Variants in PIK3CD observed in about 807,000 individuals in gnomAD.
PIK3CD encodes the protein phosphatidylinositol 4,5-bisphosphate 3-kinase catalytic subunit delta isoform.
Under a neutral mutation model 122.9 loss-of-function variants are expected in PIK3CD, and 20 were observed. The observed-to-expected ratio is 0.16, with a 90% CI of 0.11 to 0.24. The LOEUF is 0.24. Among genes scored for constraint, PIK3CD ranks in the 10% least tolerant of loss-of-function variants. The pLI is 1.00. For missense variants in PIK3CD, 787 were observed against 1,406.3 expected (o/e 0.56, Z 7.04); for synonymous variants, 596 against 593.4 (o/e 1.00, Z -0.06).
chr1:9,725,799 C>A (rs1255521626), intron 23 of PIK3CD, among the ~76,000 whole-genome samples: 1 of 151,996 alleles, frequency 6.6e-6, no homozygotes, highest in East Asian at 1.9e-4. Context: ...ATCACTTGAA[C>A]CTGGGAGGCA....
intron 2 of PIK3CD, among the ~76,000 whole-genome samples, chr1:9,698,176 C>T (rs1203315560): frequency 6.6e-6 from 1 of 151,984 alleles, no homozygotes; most frequent in African/African-American, 2.4e-5. Context: ...GAGTTTCGCT[C>T]TTGTTGCCCA....
At chr1:9,706,050 A>ATTTTTTTTT (rs140912843) in intron 2 of PIK3CD, among the ~76,000 whole-genome samples, 2 of 85,184 alleles carry the variant, frequency 2.3e-5, no homozygotes, top group African/African-American at 4.8e-5. Flanking sequence ...ATTTATTGGA[A>ATTTTTTTTT]TTTTTTTTTT....
the PIK3CD span, among the ~76,000 whole-genome samples, chr1:9,634,850 CAA>C: frequency 1.3e-5 from 2 of 152,150 alleles, no homozygotes; most frequent in Non-Finnish European, 2.9e-5. Flanking sequence ...ATATCCAACT[CAA>C]GAGAGTTTAT....
the PIK3CD span, among the ~76,000 whole-genome samples, chr1:9,628,570 G>A: frequency 5.9e-5 from 9 of 152,210 alleles, no homozygotes; most frequent in Non-Finnish European, 1.0e-4. Flanking sequence ...AGGGAGGATG[G>A]GCCAGTGGTG....
At chr1:9,655,287 T>C (rs1028052419) in intron 1 of PIK3CD, among the ~76,000 whole-genome samples, 1 of 152,040 alleles carries the variant, frequency 6.6e-6, no homozygotes, top group African/African-American at 2.4e-5. Flanking sequence ...CCGGTGACAG[T>C]GTTTCATAAA....
intron 1 of PIK3CD, among the ~76,000 whole-genome samples, chr1:9,679,234 A>T (rs1353047010): frequency 1.3e-5 from 2 of 151,578 alleles, no homozygotes; most frequent in Non-Finnish European, 2.9e-5. Context: ...TGCCTGGCTA[A>T]TTTTTGTATT....
At position 9,710,193 on chromosome 1, in the gene PIK3CD, G is replaced by A; in HGVS notation, c.-32-231G>A. Reference sequence around the variant, plus strand: ...TGCTCCTGTGGGGAGGACATGCAGTGTCTGCCTGGGAGAAGAGGCAGCTGA... The same window carrying A: ...TGCTCCTGTGGGGAGGACATGCAGTATCTGCCTGGGAGAAGAGGCAGCTGA... On this transcript the variant is annotated intron_variant, in intron 2 of 23. Coordinates refer to ENST00000377346, the MANE Select transcript of PIK3CD (RefSeq NM_005026.5). The surrounding 1 kb of genome is among the most constrained non-coding windows in gnomAD (Gnocchi z 4.7). The A allele has an allele frequency of 2.0e-6, 1 of 509,402 alleles. No individual in the cohort carries two copies. The highest frequency in any genetic ancestry group is 3.6e-6 in the Non-Finnish European group (1 of 278,296). 31.6% of individuals were successfully genotyped at this position (509,402 alleles called of 1,614,324 possible).
intron 1 of PIK3CD, among the ~76,000 whole-genome samples, chr1:9,682,851 A>C (rs1171182214): frequency 3.3e-5 from 5 of 152,108 alleles, no homozygotes; most frequent in Non-Finnish European, 7.4e-5. Flanking sequence ...CTGGGGTTTT[A>C]AATGTGTAAC....
At chr1:9,658,362 C>T (rs948819247) in intron 1 of PIK3CD, among the ~76,000 whole-genome samples, 1 of 135,266 alleles carries the variant, frequency 7.4e-6, no homozygotes, top group East Asian at 2.3e-4. Flanking sequence ...CTCTAGCCTG[C>T]GTGACAGAGC....
chr1:9,629,013 G>A, the PIK3CD span, among the ~76,000 whole-genome samples: 1 of 152,070 alleles, frequency 6.6e-6, no homozygotes, highest in Non-Finnish European at 1.5e-5. Context: ...TGACCCAAGT[G>A]AGGGGCGGGC....
Position 9,715,629 on chromosome 1 carries a change from C to T in PIK3CD, c.230C>T (p.Ala77Val), listed in dbSNP as rs1570356857. ...AYVFTCINQT[A>V]EQQELEDEQR... ...GTGTTCACCTGCATCAACCAGACAG[C>T]GGAGCAGCAAGAGCTGGAGGACGAG... Residue 77 changes from alanine to valine, a missense_variant, in exon 4 of 24, where the codon GCG becomes GTG. Physicochemically the swap from Ala to Val is moderately conservative, Grantham distance 64 (BLOSUM62 0). Transcript: ENST00000377346. The surrounding 1 kb of genome is among the most constrained non-coding windows in gnomAD (Gnocchi z 4.1). 2 of 1,613,812 alleles carry T rather than the reference C, an allele frequency of 1.2e-6. No homozygotes were observed. Among genetic ancestry groups the T allele is most frequent in the South Asian group, 1.1e-5 (1 of 91,090 alleles).
At position 9,715,939 on chromosome 1, in the gene PIK3CD, G is replaced by A. The variant is rs774223814; in HGVS notation, c.461G>A (p.Arg154Gln). ...TTCTGCGAGGAGGCGGCCGCCCGCCGGCAGCAGCTGGGCTGGGAGGCCTGG... is the reference window on the plus strand; with the variant it reads ...TTCTGCGAGGAGGCGGCCGCCCGCCAGCAGCAGCTGGGCTGGGAGGCCTGG... ...CQFCEEAAAR[R>Q]QQLGWEAWLQ... Residue 154 changes from arginine (R) to glutamine (Q), a missense_variant, in exon 5 of 24, where the codon CGG becomes CAG. By Grantham distance (43) the Arg-to-Gln change is conservative. Around this residue, in one of 6 missense-constraint regions of PIK3CD, gnomAD observed 592 missense variants for 920.6 expected, o/e 0.64. Coordinates refer to ENST00000377346, the MANE Select transcript of PIK3CD (RefSeq NM_005026.5). This position sits in a 1 kb window ranked among gnomAD's most constrained non-coding sequence, Gnocchi z 4.1. The A allele has an allele frequency of 1.5e-5, 24 of 1,612,222 alleles. No individual in the cohort carries two copies. Among genetic ancestry groups the A allele is most frequent in the Non-Finnish European group, 1.8e-5 (21 of 1,179,852 alleles).
rs543706028 is a variant in PIK3CD, at chr1:9,700,937, T to C, written c.-33+9366T>C. 6.6e-6 allele frequency among the ~76,000 whole-genome samples: 1 copy of C among 152,246 alleles called. No homozygotes were observed. The highest frequency in any genetic ancestry group is 2.1e-4 in the South Asian group (1 of 4,820). On this transcript the variant is annotated intron_variant, in intron 2 of 23. Coordinates refer to ENST00000377346, the MANE Select transcript of PIK3CD (RefSeq NM_005026.5). The surrounding 1 kb of genome is among the most constrained non-coding windows in gnomAD (Gnocchi z 5.1). ...ATGTCTGGATTCCGTTGCTCTCCAG[T>C]GCTGTCTCCTTCTGGGTCAAGCCAC...
the PIK3CD span, among the ~76,000 whole-genome samples, chr1:9,634,754 C>A: frequency 1.3e-5 from 2 of 152,224 alleles, no homozygotes; most frequent in Non-Finnish European, 1.5e-5. Context: ...TAGTTTCATA[C>A]TTTCTTTGAA....
chr1:9,668,784 G>C (rs185952452), intron 1 of PIK3CD, among the ~76,000 whole-genome samples: 1 of 152,286 alleles, frequency 6.6e-6, no homozygotes, highest in African/African-American at 2.4e-5. Context: ...TGTCCAAATA[G>C]ACTGTGTCCT....
chr1:9,717,211 AGAGCTGGGGCTTT>A lies in PIK3CD; in HGVS notation c.930+113_930+125del. On this transcript the variant is annotated intron_variant, in intron 7 of 23. Transcript: ENST00000377346. This position sits in a 1 kb window ranked among gnomAD's most constrained non-coding sequence, Gnocchi z 5.4. ...ATGGGTCCAGGGGCCCTTGGTATGG[AGAGCTGGGGCTTT>A]GAGCTGGGGAAGCCAACACAGCTGA... 1 of 1,429,634 alleles carries A rather than the reference AGAGCTGGGGCTTT, an allele frequency of 7.0e-7. No individual in the cohort carries two copies. Among genetic ancestry groups the A allele is most frequent in the Non-Finnish European group, 9.8e-7 (1 of 1,020,488 alleles). 88.6% of individuals were successfully genotyped at this position (1,429,634 alleles called of 1,614,324 possible). A position where few individuals can be genotyped will look rare whatever the true frequency, so the allele number is the denominator to read the frequency against.
intron 1 of PIK3CD, among the ~76,000 whole-genome samples, chr1:9,665,127 C>G (rs1247973703): frequency 6.0e-5 from 9 of 150,120 alleles, no homozygotes; most frequent in African/African-American, 2.2e-4. Flanking sequence ...TTGCCTGAGC[C>G]CTGGAGGTCA....
intron 2 of PIK3CD, among the ~76,000 whole-genome samples, chr1:9,692,661 C>T (rs764578129): frequency 1.7e-4 from 26 of 151,246 alleles, no homozygotes; most frequent in Non-Finnish European, 3.1e-4. Context: ...ACCCAGGAGG[C>T]GGAGGTTGCA....
rs1648990459 is a variant in PIK3CD, at chr1:9,723,351, GGCCTC to G, written c.2594+64_2594+68del. ...CTTTCCAAGAGGTGTGGAGTGGGAG[GGCCTC>G]GCCTGTCAGAACAAAGGAGCGGGGA... On this transcript the variant is annotated intron_variant, in intron 20 of 23. Coordinates refer to ENST00000377346, the MANE Select transcript of PIK3CD (RefSeq NM_005026.5). The surrounding 1 kb of genome is among the most constrained non-coding windows in gnomAD (Gnocchi z 4.9). 6.4e-7 allele frequency: 1 copy of G among 1,558,906 alleles called. No homozygotes were observed.
Sources: gnomAD v4.1 joint callset for allele counts (sites outside exome capture counted in the v4.1 genomes callset) on GRCh38, gnomAD v4.1.1 for gene constraint, gnomAD v4.1.1 regional missense constraint, Gnocchi (gnomAD v3.1) non-coding constraint, MANE v1.5 for transcripts, NCBI Gene and HGNC (gene_info 2026-07-23, HGNC 2026-07-21) for gene names.